The following INSR variants were observed in gnomAD, a reference collection of about 807,000 sequenced individuals.
INSR encodes the protein insulin receptor.
A neutral mutation model predicts 142.6 loss-of-function variants in INSR; 67 were observed. The ratio of observed to expected loss-of-function variants is 0.47; its 90% confidence interval spans 0.39 to 0.58. The LOEUF (loss-of-function observed/expected upper bound fraction) is 0.58. Among genes scored for constraint, INSR ranks in the 20% least tolerant of loss-of-function variants. The probability of loss-of-function intolerance (pLI) is 0.00; values close to 1 mark genes in which losing one functional copy is unlikely to be tolerated. For missense variants in INSR, 1,248 were observed against 1,833.2 expected (o/e 0.68, Z 5.83); for synonymous variants, 756 against 743.1 (o/e 1.02, Z -0.28).
rs1190642926 is a variant in INSR at position 7,216,227 on chromosome 19, G to A, written c.653-31590C>T. Among the ~76,000 whole-genome samples, 2 of 152,164 alleles carry A rather than the reference G, an allele frequency of 1.3e-5. No homozygotes were observed. The highest frequency in any genetic ancestry group is 2.9e-5 in the Non-Finnish European group (2 of 68,036). On this transcript the variant is annotated intron_variant, in intron 2 of 21. Transcript: ENST00000302850. The surrounding 1 kb of genome is among the most constrained non-coding windows in gnomAD (Gnocchi z 4.2). ...TAATCCCAGCTACTTGGGAGGCTGA[G>A]TCAAGAGAATTGCTTAAACCCAGGA...
chr19:7,262,200 G>A (rs1313119436), intron 2 of INSR, among the ~76,000 whole-genome samples: 1 of 152,134 alleles, frequency 6.6e-6, no homozygotes, highest in East Asian at 1.9e-4. Context: ...GCTGGGCGCG[G>A]TAGCTCACGC....
intron 1 of INSR, among the ~76,000 whole-genome samples, chr19:7,286,410 C>T (rs907092136): frequency 6.6e-6 from 1 of 151,850 alleles, no homozygotes; most frequent in Non-Finnish European, 1.5e-5. Context: ...CTTTTTGAGA[C>T]AGGGTCGGGC....
chr19:7,167,529 T>C (rs1385495961), intron 7 of INSR, among the ~76,000 whole-genome samples: 1 of 149,518 alleles, frequency 6.7e-6, no homozygotes, highest in East Asian at 2.0e-4. Context: ...TGAGCCAAGA[T>C]CTGCCACTGC....
chr19:7,180,264 C>T (rs1974239308), intron 3 of INSR, among the ~76,000 whole-genome samples: 1 of 152,104 alleles, frequency 6.6e-6, no homozygotes, highest in African/African-American at 2.4e-5. Context: ...TACAGTGGCT[C>T]AGGCCCTGTA....
Position 7,159,013 on chromosome 19 carries a change from C to T in INSR, c.2029+4019G>A, listed in dbSNP as rs191753442. Among the ~76,000 whole-genome samples the T allele has an allele frequency of 1.6e-3, 251 of 152,214 alleles. 2 individuals carry two copies. In the East Asian group the frequency reaches 0.031, roughly 19 times the overall value. ...TGCCTCCCAGATTCAAGCGATTCTC[C>T]TGCCTCAGCCTCCTGAGTAGCTGGG... On this transcript the variant is annotated intron_variant, in intron 9 of 21. Transcript: ENST00000302850. This position sits in a 1 kb window ranked among gnomAD's most constrained non-coding sequence, Gnocchi z 4.3.
intron 13 of INSR, among the ~76,000 whole-genome samples, chr19:7,141,044 T>G (rs766916358): frequency 1.3e-5 from 2 of 152,174 alleles, no homozygotes; most frequent in African/African-American, 4.8e-5. Context: ...TATAAGGTTT[T>G]TGTTGTTGCT....
chr19:7,215,574 A>ATTTATTTATTTT (rs1555753808), intron 2 of INSR, among the ~76,000 whole-genome samples: 4 of 150,564 alleles, frequency 2.7e-5, no homozygotes, highest in African/African-American at 9.8e-5. Context: ...TTATTTATTT[A>ATTTATTTATTTT]TTTATTTTTT....
chr19:7,269,379 ACAC>A, intron 1 of INSR, among the ~76,000 whole-genome samples: 1 of 538 alleles, frequency 1.9e-3, no homozygotes, highest in Non-Finnish European at 8.3e-3. Context: ...TCGAGAAAAC[ACAC>A]ACACACACAC....
At chr19:7,281,228 C>T (rs948797524) in intron 1 of INSR, among the ~76,000 whole-genome samples, 5 of 152,054 alleles carry the variant, frequency 3.3e-5, no homozygotes, top group Admixed American at 3.3e-4. Context: ...GTATGGAGAC[C>T]GTGTAACTGG....
chr19:7,213,327 G>A lies in INSR; in HGVS notation c.653-28690C>T, dbSNP rs1328986093. 2.0e-4 allele frequency among the ~76,000 whole-genome samples: 25 copies of A among 122,318 alleles called. No homozygotes were observed. In the Admixed American group the frequency reaches 2.6e-3, roughly 13 times the overall value. 80.2% of individuals were successfully genotyped at this position (122,318 alleles called of 152,430 possible). Reference sequence around the variant, plus strand: ...CCATTGCACTCCAGCCTGGGCTACAGAGCGACTCCATCTCAAAAAAAAAAA... The same window carrying A: ...CCATTGCACTCCAGCCTGGGCTACAAAGCGACTCCATCTCAAAAAAAAAAA... On this transcript the variant is annotated intron_variant, in intron 2 of 21. Coordinates refer to ENST00000302850, the MANE Select transcript of INSR (RefSeq NM_000208.4).
intron 2 of INSR, among the ~76,000 whole-genome samples, chr19:7,259,141 C>T (rs963278866): frequency 1.8e-5 from 2 of 113,260 alleles, no homozygotes; most frequent in Non-Finnish European, 3.7e-5. Flanking sequence ...TTCCCTCCTT[C>T]CTTTTTTCCT....
chr19:7,124,199 TA>T (rs968729026), intron 17 of INSR, among the ~76,000 whole-genome samples: 2 of 150,778 alleles, frequency 1.3e-5, no homozygotes, highest in African/African-American at 2.4e-5. Flanking sequence ...CCGTCTCTAA[TA>T]AAAAAAAGTA....
intron 2 of INSR, among the ~76,000 whole-genome samples, chr19:7,202,998 T>TG (rs1555751334): frequency 4.4e-5 from 2 of 45,914 alleles, no homozygotes; most frequent in African/African-American, 1.1e-4. Flanking sequence ...GTTTTGTTGT[T>TG]TTTTTTTTTT....
chr19:7,149,936 A>AGAAG (rs71177162), intron 11 of INSR, among the ~76,000 whole-genome samples: 6,014 of 143,864 alleles, frequency 0.042, 244 homozygotes, highest in African/African-American at 0.078. Flanking sequence ...AAAAAAAGAA[A>AGAAG]GAAGGAAGGA....
At position 7,269,038 on chromosome 19, in the gene INSR, C is replaced by CCACACACACACA. The variant is rs141333611; in HGVS notation, c.101-1154_101-1143dup. On this transcript the variant is annotated intron_variant, in intron 1 of 21. Transcript: ENST00000302850. Reference sequence around the variant, plus strand: ...TCTCTCTGCCAACACACCCACACACCCACACACACACACACACACACACCG... The same window carrying CCACACACACACA: ...TCTCTCTGCCAACACACCCACACACCCACACACACACACACACACACACACACACACACACCG... 5.0e-3 allele frequency among the ~76,000 whole-genome samples: 739 copies of CCACACACACACA among 146,948 alleles called. 3 individuals are homozygous for CCACACACACACA. The highest frequency in any genetic ancestry group is 0.019 in the South Asian group (86 of 4,642).
chr19:7,288,088 G>T (rs1968390141), intron 1 of INSR, among the ~76,000 whole-genome samples: 1 of 152,210 alleles, frequency 6.6e-6, no homozygotes, highest in Non-Finnish European at 1.5e-5. Flanking sequence ...TGGGCGCAAT[G>T]GTTCCTCATG....
chr19:7,254,222 A>T (rs1395681994), intron 2 of INSR, among the ~76,000 whole-genome samples: 3 of 152,018 alleles, frequency 2.0e-5, no homozygotes, highest in Non-Finnish European at 4.4e-5. Context: ...GAAAAATTTA[A>T]AAAATAAATT....
intron 8 of INSR, among the ~76,000 whole-genome samples, chr19:7,164,335 A>G (rs1973838926): frequency 6.6e-6 from 1 of 152,164 alleles, no homozygotes; most frequent in Non-Finnish European, 1.5e-5. Flanking sequence ...TCCCTGGCAG[A>G]GCAGTTAACC....
At chr19:7,238,519 G>A (rs1370188011) in intron 2 of INSR, among the ~76,000 whole-genome samples, 4 of 150,854 alleles carry the variant, frequency 2.7e-5, no homozygotes, top group African/African-American at 9.8e-5. Context: ...TACCCGAGAG[G>A]CTGAGGCAGG....
Sources: allele counts gnomAD v4.1 joint callset (sites outside exome capture counted in the v4.1 genomes callset), GRCh38; gene constraint gnomAD v4.1.1; non-coding constraint Gnocchi (gnomAD v3.1); transcripts MANE v1.5; gene names NCBI Gene and HGNC (gene_info 2026-07-23, HGNC 2026-07-21).